RALYL: variants seen among roughly 807,000 people sequenced by gnomAD.
RALYL encodes RNA-binding Raly-like protein.
In RALYL, 29 loss-of-function variants were observed where a neutral mutation model predicts 35.1. That is an observed-to-expected ratio of 0.83 (90% confidence interval 0.61 to 1.13). RALYL has a LOEUF of 1.13. Ranked by LOEUF, RALYL falls within the 50% of genes most tolerant of loss-of-function variation. The pLI is 0.00. For synonymous variants in RALYL, 120 were observed against 127.6 expected (o/e 0.94, Z 0.40); for missense variants, 359 against 360.4 (o/e 1.00, Z 0.03).
At chr8:84,518,000 C>T (rs1352926538) in intron 1 of RALYL, among the ~76,000 whole-genome samples, 1 of 152,120 alleles carries the variant, frequency 6.6e-6, no homozygotes, top group African/African-American at 2.4e-5. Context: ...GTTGGCATAA[C>T]TCTAATGGTT....
intron 8 of RALYL, among the ~76,000 whole-genome samples, chr8:84,919,475 C>T (rs535105889): frequency 7.0e-4 from 106 of 152,132 alleles, no homozygotes; most frequent in Middle Eastern, 3.4e-3. Context: ...AAGTTCGAAC[C>T]TTTGTGCCTT....
chr8:84,323,976 C>G (rs896069335), intron 1 of RALYL, among the ~76,000 whole-genome samples: 2 of 151,936 alleles, frequency 1.3e-5, no homozygotes, highest in African/African-American at 4.8e-5. Context: ...CTTTTTGAGT[C>G]TCTTGTATTA....
chr8:84,185,220 C>CCTA, intron 1 of RALYL: 1 of 624,772 alleles, frequency 1.6e-6, no homozygotes, highest in Non-Finnish European at 2.9e-6. Flanking sequence ...CAGTAATGAC[C>CCTA]CTACACCTCT....
At chr8:84,401,592 A>C (rs1317204799) in intron 1 of RALYL, among the ~76,000 whole-genome samples, 1 of 137,560 alleles carries the variant, frequency 7.3e-6, no homozygotes, top group Non-Finnish European at 1.5e-5. Flanking sequence ...GAGCCCAGAT[A>C]GCGCCACTGC....
chr8:84,913,026 G>GGGTAGGTA (rs777817157), intron 8 of RALYL, among the ~76,000 whole-genome samples: 269 of 99,000 alleles, frequency 2.7e-3, no homozygotes, highest in East Asian at 8.4e-3. Flanking sequence ...ATGGATGGAT[G>GGGTAGGTA]GATGGATAGG....
At chr8:84,236,144 C>G (rs1233061428) in intron 1 of RALYL, among the ~76,000 whole-genome samples, 2 of 151,990 alleles carry the variant, frequency 1.3e-5, no homozygotes, top group African/African-American at 4.8e-5. Flanking sequence ...CCAGTATAAT[C>G]AACTTGAGTA....
chr8:84,269,298 A>G (rs1833872753), intron 1 of RALYL, among the ~76,000 whole-genome samples: 1 of 152,200 alleles, frequency 6.6e-6, no homozygotes, highest in Non-Finnish European at 1.5e-5. Context: ...CACTAGTGCC[A>G]TGGCACACTG....
chr8:84,545,489 T>C (rs1477197537), intron 2 of RALYL, among the ~76,000 whole-genome samples: 2 of 152,164 alleles, frequency 1.3e-5, no homozygotes, highest in African/African-American at 4.8e-5. Context: ...TGCTTTAAAT[T>C]TGTAAATAAA....
At chr8:84,855,099 CAAAT>C (rs1398219568) in intron 5 of RALYL, among the ~76,000 whole-genome samples, 1 of 152,178 alleles carries the variant, frequency 6.6e-6, no homozygotes. Flanking sequence ...AGCCAAAACA[CAAAT>C]AAAAAGCAAA....
chr8:84,337,389 T>G (rs1256308801), intron 1 of RALYL, among the ~76,000 whole-genome samples: 1 of 151,954 alleles, frequency 6.6e-6, no homozygotes, highest in Non-Finnish European at 1.5e-5. Context: ...GAATGGTGTA[T>G]TTCAGATATC....
chr8:84,227,809 T>C (rs1410895736), intron 1 of RALYL, among the ~76,000 whole-genome samples: 3 of 152,298 alleles, frequency 2.0e-5, no homozygotes, highest in South Asian at 2.1e-4. Flanking sequence ...CTTTCATTAT[T>C]GTAATAGTGC....
At chr8:84,746,832 A>G (rs1808717623) in intron 2 of RALYL, among the ~76,000 whole-genome samples, 1 of 139,548 alleles carries the variant, frequency 7.2e-6, no homozygotes, top group East Asian at 2.0e-4. Flanking sequence ...TTATGCTACT[A>G]TTTAAGATGC....
intron 3 of RALYL, among the ~76,000 whole-genome samples, chr8:84,774,859 A>G (rs1226218908): frequency 6.6e-6 from 1 of 152,242 alleles, no homozygotes; most frequent in Admixed American, 6.5e-5. Flanking sequence ...ATCTGCTTAT[A>G]CAACCCTTCT....
intron 1 of RALYL, among the ~76,000 whole-genome samples, chr8:84,207,678 C>T (rs1229678862): frequency 1.3e-5 from 2 of 151,900 alleles, no homozygotes; most frequent in Non-Finnish European, 2.9e-5. Context: ...AATACTGTAT[C>T]AGATACTTGA....
chr8:84,426,473 T>TGGGGGGGGG (rs1554662559), intron 1 of RALYL, among the ~76,000 whole-genome samples: 3 of 149,026 alleles, frequency 2.0e-5, no homozygotes, highest in Non-Finnish European at 3.0e-5. Context: ...TGTGTGTGTG[T>TGGGGGGGGG]GGGTTTAGAT....
intron 1 of RALYL, among the ~76,000 whole-genome samples, chr8:84,337,848 C>A (rs1451560171): frequency 6.6e-6 from 1 of 152,094 alleles, no homozygotes; most frequent in East Asian, 1.9e-4. Flanking sequence ...CCCTTATTCT[C>A]TTTCTACATT....
intron 4 of RALYL, among the ~76,000 whole-genome samples, chr8:84,834,291 A>G (rs1831502430): frequency 6.6e-6 from 1 of 152,210 alleles, no homozygotes; most frequent in Non-Finnish European, 1.5e-5. Context: ...AACAGCTACT[A>G]CCTCTGTGGC....
At chr8:84,751,086 C>T (rs78517757) in intron 2 of RALYL, among the ~76,000 whole-genome samples, 1 of 152,110 alleles carries the variant, frequency 6.6e-6, no homozygotes, top group African/African-American at 2.4e-5. Flanking sequence ...TCACCTATTT[C>T]CTGTGACCAT....
intron 1 of RALYL, among the ~76,000 whole-genome samples, chr8:84,435,001 T>C (rs1459234659): frequency 6.6e-6 from 1 of 152,184 alleles, no homozygotes; most frequent in Non-Finnish European, 1.5e-5. Context: ...AACATGACCA[T>C]TTCAAGAATA....
Sources: allele counts gnomAD v4.1 joint callset (sites outside exome capture counted in the v4.1 genomes callset), GRCh38; gene constraint gnomAD v4.1.1; transcripts MANE v1.5; gene names NCBI Gene and HGNC (gene_info 2026-07-23, HGNC 2026-07-21).